Variants in ZNF804A observed in about 807,000 individuals in gnomAD.
The protein encoded by ZNF804A is zinc finger protein 804A.
ZNF804A carries 2 observed loss-of-function variants against 16.5 expected under a neutral mutation model. The ratio of observed to expected loss-of-function variants is 0.12; its 90% CI spans 0.05 to 0.38. The LOEUF is 0.38. ZNF804A is among the 10% of genes least tolerant of loss of function. ZNF804A has a pLI of 0.99. For missense variants in ZNF804A, 1,473 were observed against 1,390.7 expected (o/e 1.06, Z -0.94); for synonymous variants, 534 against 489.6 (o/e 1.09, Z -1.20).
rs982579095 is a variant in ZNF804A at position 184,939,480 on chromosome 2, CTATT to C, written c.*457_*460del. 15 of 153,092 alleles carry C rather than the reference CTATT, an allele frequency of 9.8e-5. No homozygotes were observed. In the South Asian group the frequency reaches 1.4e-3, roughly 15 times the overall value. 9.5% of individuals were successfully genotyped at this position (153,092 alleles called of 1,614,324 possible). ...ATCTCTTGCAATAAATTTTTGTTAA[CTATT>C]TAAGTAAATCGAACTTTTGTTTTTA... On this transcript the variant is annotated 3_prime_UTR_variant, in exon 4 of 4. Coordinates refer to ENST00000302277, the MANE Select transcript of ZNF804A (RefSeq NM_194250.2).
At chr2:184,637,302 T>C (rs1691714821) in intron 1 of ZNF804A, among the ~76,000 whole-genome samples, 1 of 152,152 alleles carries the variant, frequency 6.6e-6, no homozygotes, top group South Asian at 2.1e-4. Flanking sequence ...TGGCACATTT[T>C]TTTTAGGCAG....
intron 1 of ZNF804A, among the ~76,000 whole-genome samples, chr2:184,627,598 GAAT>G (rs1175213531): frequency 5.9e-5 from 9 of 152,058 alleles, no homozygotes; most frequent in Non-Finnish European, 4.4e-5. Context: ...GACATTTGTT[GAAT>G]AATAAGTGTA....
intron 2 of ZNF804A, among the ~76,000 whole-genome samples, chr2:184,878,569 A>G (rs1684753555): frequency 6.6e-6 from 1 of 152,098 alleles, no homozygotes; most frequent in Non-Finnish European, 1.5e-5. Context: ...AGCAAGGATC[A>G]TAAATAAGAA....
At chr2:184,837,141 C>T (rs1695363206) in intron 1 of ZNF804A, among the ~76,000 whole-genome samples, 1 of 151,692 alleles carries the variant, frequency 6.6e-6, no homozygotes, top group Admixed American at 6.6e-5. Flanking sequence ...GCTTACATTA[C>T]TTATATTACT....
intron 2 of ZNF804A, among the ~76,000 whole-genome samples, chr2:184,907,273 GT>G (rs77710563): frequency 0.054 from 8,254 of 152,130 alleles, 302 homozygotes; most frequent in East Asian, 0.096. Flanking sequence ...TCCTGTATTT[GT>G]TATGTTAAAC....
At chr2:184,609,247 G>T (rs1351989013) in intron 1 of ZNF804A, among the ~76,000 whole-genome samples, 1 of 152,182 alleles carries the variant, frequency 6.6e-6, no homozygotes, top group East Asian at 1.9e-4. Flanking sequence ...GTGGAGTGGT[G>T]GAGGGAAACA....
At chr2:184,773,346 A>G (rs2105769890) in intron 1 of ZNF804A, among the ~76,000 whole-genome samples, 1 of 151,962 alleles carries the variant, frequency 6.6e-6, no homozygotes, top group Admixed American at 6.6e-5. Context: ...AGAATAATGC[A>G]AGTGGAAATC....
At chr2:184,679,827 T>C (rs1351414782) in intron 1 of ZNF804A, among the ~76,000 whole-genome samples, 1 of 152,004 alleles carries the variant, frequency 6.6e-6, no homozygotes, top group Non-Finnish European at 1.5e-5. Flanking sequence ...CTGGGCTCCA[T>C]GGGCACTGTA....
chr2:184,651,518 A>G (rs1691983193), intron 1 of ZNF804A, among the ~76,000 whole-genome samples: 1 of 152,296 alleles, frequency 6.6e-6, no homozygotes, highest in Non-Finnish European at 1.5e-5. Flanking sequence ...ACACAATGGG[A>G]GAAAATATTC....
chr2:184,938,282 A>T lies in ZNF804A; in HGVS notation c.2886A>T (p.Arg962Ser), dbSNP rs780778290. The T allele has an allele frequency of 1.2e-6, 2 of 1,614,164 alleles. No individual in the cohort carries two copies. Among genetic ancestry groups the T allele is most frequent in the East Asian group, 2.2e-5 (1 of 44,854 alleles). Residue 962 changes from arginine to serine, a missense_variant, in exon 4 of 4, where the codon AGA becomes AGT. Arg to Ser is a moderately radical substitution (Grantham distance 110, BLOSUM62 -1). Transcript: ENST00000302277. Reference protein sequence around the residue: ...FQVPNIERNFRQSQPKSYLCH... With the variant: ...FQVPNIERNFSQSQPKSYLCH... ...TGCCTAATATTGAAAGGAACTTTAGACAGTCACAGCCTAAATCCTATCTTT... is the reference window on the plus strand; with the variant it reads ...TGCCTAATATTGAAAGGAACTTTAGTCAGTCACAGCCTAAATCCTATCTTT...
intron 1 of ZNF804A, among the ~76,000 whole-genome samples, chr2:184,783,030 A>AT (rs1291708296): frequency 6.8e-6 from 1 of 146,404 alleles, no homozygotes; most frequent in Admixed American, 7.0e-5. Flanking sequence ...TAATAGGAAT[A>AT]TTTTTTCCTC....
chr2:184,856,397 T>C (rs1248411081), intron 1 of ZNF804A, among the ~76,000 whole-genome samples: 1 of 151,968 alleles, frequency 6.6e-6, no homozygotes, highest in Non-Finnish European at 1.5e-5. Flanking sequence ...AAACAAAGCG[T>C]CATAGGTAGA....
chr2:184,667,952 A>G (rs1489944162), intron 1 of ZNF804A, among the ~76,000 whole-genome samples: 2 of 151,794 alleles, frequency 1.3e-5, no homozygotes. Flanking sequence ...CTTAATACTC[A>G]TTGCTTTGAG....
At chr2:184,659,421 T>G (rs1385919719) in intron 1 of ZNF804A, among the ~76,000 whole-genome samples, 1 of 152,150 alleles carries the variant, frequency 6.6e-6, no homozygotes, top group Admixed American at 6.5e-5. Context: ...TATATGCACA[T>G]TTTTAATTAA....
At chr2:184,674,195 A>G (rs770025639) in intron 1 of ZNF804A, among the ~76,000 whole-genome samples, 1 of 152,018 alleles carries the variant, frequency 6.6e-6, no homozygotes, top group Non-Finnish European at 1.5e-5. Context: ...CAACAGTTTA[A>G]TGTTAAAAAA....
intron 1 of ZNF804A, among the ~76,000 whole-genome samples, chr2:184,794,379 A>G (rs1694598465): frequency 6.6e-6 from 1 of 151,714 alleles, no homozygotes. Context: ...TGTTTTGATG[A>G]TTGTCTATTC....
intron 1 of ZNF804A, among the ~76,000 whole-genome samples, chr2:184,846,529 G>A (rs879690834): frequency 9.2e-5 from 14 of 151,926 alleles, no homozygotes; most frequent in Admixed American, 9.2e-4. Context: ...ATATGCACTA[G>A]AATACAACAT....
At chr2:184,868,142 A>G (rs1335543632) in intron 2 of ZNF804A, among the ~76,000 whole-genome samples, 1 of 152,080 alleles carries the variant, frequency 6.6e-6, no homozygotes, top group Non-Finnish European at 1.5e-5. Context: ...ACCTTTGACA[A>G]TGCTCAGAGT....
intron 1 of ZNF804A, among the ~76,000 whole-genome samples, chr2:184,635,502 T>A (rs1252029759): frequency 6.6e-6 from 1 of 152,110 alleles, no homozygotes; most frequent in Non-Finnish European, 1.5e-5. Context: ...ATGGCAAAAG[T>A]ATTATTAAAG....
Sources: gnomAD v4.1 joint callset for allele counts (sites outside exome capture counted in the v4.1 genomes callset) on GRCh38, gnomAD v4.1.1 for gene constraint, MANE v1.5 for transcripts, NCBI Gene and HGNC (gene_info 2026-07-23, HGNC 2026-07-21) for gene names.